RNGTT: variants seen among roughly 807,000 people sequenced by gnomAD.
The protein encoded by RNGTT is RNA guanylyltransferase and 5'-phosphatase.
RNGTT carries 33 observed loss-of-function variants against 79.3 expected under a neutral mutation model. The ratio of observed to expected loss-of-function variants is 0.42; its 90% CI spans 0.32 to 0.56. RNGTT has a LOEUF of 0.56. RNGTT is among the 20% of genes least tolerant of loss of function. RNGTT has a pLI of 0.17. For synonymous variants in RNGTT, 222 were observed against 235.9 expected, an observed-to-expected ratio of 0.94 and a Z score of 0.54; for missense variants, 497 against 739.1, an observed-to-expected ratio of 0.67 and a Z score of 3.80.
chr6:88,900,083 T>A (rs1045868050), intron 6 of RNGTT, among the ~76,000 whole-genome samples: 2 of 151,196 alleles, frequency 1.3e-5, no homozygotes, highest in Non-Finnish European at 2.9e-5. Context: ...ATTATTTACA[T>A]AATTTTTCAT....
intron 13 of RNGTT, among the ~76,000 whole-genome samples, chr6:88,746,401 A>G (rs924603381): frequency 6.6e-6 from 1 of 152,180 alleles, no homozygotes; most frequent in African/African-American, 2.4e-5. Flanking sequence ...GCTTTAAATT[A>G]TGTACCAAAT....
intron 6 of RNGTT, among the ~76,000 whole-genome samples, chr6:88,898,219 T>C (rs1783318682): frequency 6.6e-6 from 1 of 152,214 alleles, no homozygotes. Flanking sequence ...GACCCAGCCC[T>C]ACTGCACCAC....
intron 12 of RNGTT, among the ~76,000 whole-genome samples, chr6:88,786,571 G>A (rs1375317999): frequency 6.6e-6 from 1 of 152,002 alleles, no homozygotes; most frequent in Non-Finnish European, 1.5e-5. Flanking sequence ...ATAATGAGAT[G>A]GAAAATTCAA....
intron 11 of RNGTT, among the ~76,000 whole-genome samples, chr6:88,812,725 A>G (rs754057729): frequency 6.6e-6 from 1 of 152,218 alleles, no homozygotes; most frequent in Non-Finnish European, 1.5e-5. Flanking sequence ...CAAATTCAAC[A>G]TTGTTTACAT....
intron 13 of RNGTT, among the ~76,000 whole-genome samples, chr6:88,681,039 T>C (rs946969634): frequency 2.0e-5 from 3 of 152,194 alleles, no homozygotes; most frequent in Admixed American, 2.0e-4. Context: ...CCCAAATCAT[T>C]GCTGGTATCA....
chr6:88,661,946 C>T (rs1292535369), intron 14 of RNGTT, among the ~76,000 whole-genome samples: 1 of 152,162 alleles, frequency 6.6e-6, no homozygotes, highest in African/African-American at 2.4e-5. Flanking sequence ...AATCCAACAG[C>T]ATATTTAAAA....
At chr6:88,948,566 A>T (rs1487503489) in intron 1 of RNGTT, among the ~76,000 whole-genome samples, 15 of 147,484 alleles carry the variant, frequency 1.0e-4, no homozygotes, top group Admixed American at 8.7e-4. Context: ...CCCTACTGGG[A>T]AGTGAGTAGC....
At chr6:88,919,073 A>T (rs944904968) in intron 4 of RNGTT, among the ~76,000 whole-genome samples, 5 of 152,236 alleles carry the variant, frequency 3.3e-5, no homozygotes, top group African/African-American at 1.2e-4. Context: ...ATAGGGTTAT[A>T]AAGTTACAAA....
At chr6:88,953,929 T>C (rs922698118) in intron 1 of RNGTT, among the ~76,000 whole-genome samples, 3 of 152,184 alleles carry the variant, frequency 2.0e-5, no homozygotes, top group African/African-American at 7.2e-5. Flanking sequence ...GCTGAGAGAA[T>C]TGGCCACTAC....
chr6:88,896,111 A>G (rs1206458165), intron 6 of RNGTT, among the ~76,000 whole-genome samples: 1 of 152,076 alleles, frequency 6.6e-6, no homozygotes, highest in Admixed American at 6.6e-5. Flanking sequence ...ATACCTCCTC[A>G]CTGCTTTCCT....
intron 4 of RNGTT, among the ~76,000 whole-genome samples, chr6:88,926,323 CTT>C (rs1232704494): frequency 6.6e-6 from 1 of 152,138 alleles, no homozygotes; most frequent in Non-Finnish European, 1.5e-5. Context: ...CCTCATTACT[CTT>C]GTTTTTCAAA....
At chr6:88,721,149 C>T (rs911837541) in intron 13 of RNGTT, among the ~76,000 whole-genome samples, 2 of 151,896 alleles carry the variant, frequency 1.3e-5, no homozygotes, top group Non-Finnish European at 2.9e-5. Flanking sequence ...TATATTTATC[C>T]TAAGCAATTT....
intron 11 of RNGTT, among the ~76,000 whole-genome samples, chr6:88,803,595 A>AC (rs1779861101): frequency 1.3e-5 from 2 of 148,734 alleles, no homozygotes; most frequent in Non-Finnish European, 1.5e-5. Context: ...AAAAAAAAAA[A>AC]AACTAAATTC....
At chr6:88,682,887 C>T (rs1273251251) in intron 13 of RNGTT, among the ~76,000 whole-genome samples, 5 of 152,150 alleles carry the variant, frequency 3.3e-5, no homozygotes, top group Admixed American at 6.5e-5. Flanking sequence ...TTATAAATAA[C>T]CCATAGATCA....
intron 14 of RNGTT, among the ~76,000 whole-genome samples, chr6:88,653,084 G>A (rs1773855387): frequency 6.6e-6 from 1 of 152,062 alleles, no homozygotes; most frequent in Non-Finnish European, 1.5e-5. Flanking sequence ...ATGGTTATTA[G>A]TGTCTCTGAA....
intron 13 of RNGTT, among the ~76,000 whole-genome samples, chr6:88,737,421 CTT>C (rs1407263006): frequency 1.3e-5 from 2 of 152,104 alleles, no homozygotes; most frequent in Admixed American, 1.3e-4. Flanking sequence ...TGAATTAAGA[CTT>C]GGGATAAAAT....
rs572519014 is a variant in RNGTT at position 88,882,364 on chromosome 6, T to G, written c.896+8131A>C. On this transcript the variant is annotated intron_variant, in intron 8 of 15. Coordinates refer to ENST00000369485, the MANE Select transcript of RNGTT (RefSeq NM_003800.5). ...AAATAATTTATTATTAGTTAAATAG[T>G]TATCTGCAAGTTCTATGAGATAGGG... 2.7e-4 allele frequency among the ~76,000 whole-genome samples: 41 copies of G among 152,316 alleles called. No homozygotes were observed. The South Asian group carries it at 8.3e-3, about 31-fold the overall frequency.
At chr6:88,836,161 A>G (rs1781073820) in intron 11 of RNGTT, among the ~76,000 whole-genome samples, 1 of 150,566 alleles carries the variant, frequency 6.6e-6, no homozygotes, top group African/African-American at 2.4e-5. Context: ...ATATGAAAGT[A>G]TGAATTCTCT....
chr6:88,913,319 C>A (rs1051257020), intron 4 of RNGTT, among the ~76,000 whole-genome samples: 1 of 151,960 alleles, frequency 6.6e-6, no homozygotes, highest in Admixed American at 6.6e-5. Context: ...TGAAACAATC[C>A]CCAAAAATTG....
Sources: gnomAD v4.1 joint callset for allele counts (sites outside exome capture counted in the v4.1 genomes callset) on GRCh38, gnomAD v4.1.1 for gene constraint, MANE v1.5 for transcripts, NCBI Gene and HGNC (gene_info 2026-07-23, HGNC 2026-07-21) for gene names.